The following HAVCR1 variants were observed in gnomAD, a reference collection of about 807,000 sequenced individuals.
The protein encoded by HAVCR1 is T cell immunoglobin domain and mucin domain protein 1.
A neutral mutation model predicts 32.0 loss-of-function variants in HAVCR1; 34 were observed. The observed-to-expected ratio is 1.06, with a 90% CI of 0.81 to 1.42. The LOEUF (loss-of-function observed/expected upper bound fraction) is 1.42, where lower values mean the gene tolerates loss of function less well. Among genes scored for constraint, HAVCR1 ranks in the 40% most tolerant of loss-of-function variants. The pLI is 0.00. For synonymous variants in HAVCR1, 178 were observed against 170.3 expected (o/e 1.05, Z -0.35); for missense variants, 420 against 442.3 (o/e 0.95, Z 0.45).
chr5:157,044,304 C>A (rs767601040), intron 5 of HAVCR1, among the ~76,000 whole-genome samples: 1 of 148,038 alleles, frequency 6.8e-6, no homozygotes, highest in African/African-American at 2.5e-5. Flanking sequence ...TGCACTCCAG[C>A]CTGGGCAACA....
In HAVCR1 at chr5:157,043,187, C is replaced by G. The variant is rs191256320; in HGVS notation, c.782-505G>C. ...ATCAAAAACAGGTGGCATATAACTC[C>G]TGTGTTGTTGCCGATGTGCTTACAT... is the stretch of plus-strand genomic sequence containing the variant. On this transcript the variant is annotated intron_variant, in intron 5 of 8. Coordinates refer to ENST00000523175, the MANE Select transcript of HAVCR1 (RefSeq NM_001173393.3). 5.3e-5 allele frequency among the ~76,000 whole-genome samples: 8 copies of G among 152,266 alleles called. No individual in the cohort carries two copies. The East Asian group carries it at 1.5e-3, about 29-fold the overall frequency.
Position 157,052,571 on chromosome 5 carries a change from T to A in HAVCR1, c.463A>T (p.Thr155Ser). ...RTSTTVPTTT[T>S]VPMTTVPTTT... ...GTTGGAACAGTCGTCATTGGAACAG[T>A]CGTTGTCGTTGGAACAGTGGTGCTC... Residue 155 changes from threonine to serine, a missense_variant, in exon 4 of 9, where the codon ACT (threonine) becomes TCT (serine). Physicochemically the swap from Thr to Ser is moderately conservative, Grantham distance 58 (BLOSUM62 1). Coordinates refer to ENST00000523175, the MANE Select transcript of HAVCR1 (RefSeq NM_001173393.3). 7.6e-7 allele frequency: 1 copy of A among 1,315,290 alleles called. No homozygotes were observed. Among genetic ancestry groups the A allele is most frequent in the Non-Finnish European group, 1.1e-6 (1 of 934,144 alleles). 81.5% of individuals were successfully genotyped at this position (1,315,290 alleles called of 1,614,324 possible). A position where few individuals can be genotyped will look rare whatever the true frequency, so the allele number is the denominator to read the frequency against.
At chr5:157,044,509 AGG>A (rs1755175196) in intron 5 of HAVCR1, among the ~76,000 whole-genome samples, 2 of 126,376 alleles carry the variant, frequency 1.6e-5, no homozygotes, top group African/African-American at 6.4e-5. Flanking sequence ...GGAAGGAAGG[AGG>A]AAGGAAGGAA....
At chr5:157,059,321 T>C (rs1352479481), upstream of HAVCR1, among the ~76,000 whole-genome samples, 1 of 152,246 alleles carries the variant, frequency 6.6e-6, no homozygotes, top group Non-Finnish European at 1.5e-5. Context: ...TTGCAGCTCA[T>C]GACAGGGTTC....
At chr5:157,048,871 GA>G (rs1755571629) in intron 5 of HAVCR1, among the ~76,000 whole-genome samples, 166 bp downstream of exon 5, 1 of 151,484 alleles carries the variant, frequency 6.6e-6, no homozygotes, top group Non-Finnish European at 1.5e-5. Context: ...ACACACCAAT[GA>G]CAAAACATTC....
In HAVCR1 at chr5:157,029,743, G is replaced by A. The variant is rs1376698064; in HGVS notation, c.1085C>T (p.Ala362Val). 1.2e-6 allele frequency: 2 copies of A among 1,612,596 alleles called. No homozygotes were observed. The highest frequency in any genetic ancestry group is 2.2e-5 in the East Asian group (1 of 44,844). Residue 362 changes from alanine (A) to valine (V), a missense_variant, in exon 9 of 9, where the codon GCC becomes GTC. Transcript: ENST00000523175. ...DNIYIENSLY[A>V]TD ...GAGCACCACTGGGTCTTAGTCCGTGGCATAAAGACTATTCTCAATGTAGAT... is the reference window on the plus strand; with the variant it reads ...GAGCACCACTGGGTCTTAGTCCGTGACATAAAGACTATTCTCAATGTAGAT...
At chr5:157,047,828 G>A (rs964731509) in intron 5 of HAVCR1, among the ~76,000 whole-genome samples, 1 of 152,172 alleles carries the variant, frequency 6.6e-6, no homozygotes, top group African/African-American at 2.4e-5. Flanking sequence ...CCGCTCAGAA[G>A]TTCCAGAGAC....
At position 157,044,627 on chromosome 5, in the gene HAVCR1, A is replaced by AAGAAAGAAAGAAAGAAAG. The variant is rs1581701858; in HGVS notation, c.782-1963_782-1946dup. The stretch of plus-strand genomic sequence containing the variant: ...AGAAAGAAAGAAAGAGAAAGAAAGA[A>AAGAAAGAAAGAAAGAAAG]AGAAAGAAAGAAAGAAAGAAAGAAA... On this transcript the variant is annotated intron_variant, in intron 5 of 8. Transcript: ENST00000523175. 1.5e-4 allele frequency among the ~76,000 whole-genome samples: 9 copies of AAGAAAGAAAGAAAGAAAG among 61,592 alleles called. No homozygotes were observed. In the East Asian group the frequency reaches 2.6e-3, roughly 18 times the overall value. The allele number at this position is 61,592 out of a possible 152,430, so 40.4% of individuals were successfully genotyped here. A position where few individuals can be genotyped will look rare whatever the true frequency, so the allele number is the denominator to read the frequency against.
chr5:157,064,384 G>A, the HAVCR1 span, among the ~76,000 whole-genome samples: 1 of 151,818 alleles, frequency 6.6e-6, no homozygotes, highest in Non-Finnish European at 1.5e-5. Context: ...AGCCAGGCAT[G>A]CTGGCATGCA....
chr5:157,039,951 T>C (rs1207088135), intron 6 of HAVCR1, among the ~76,000 whole-genome samples: 3 of 152,138 alleles, frequency 2.0e-5, no homozygotes, highest in African/African-American at 7.2e-5. Context: ...GGCCTCTAAA[T>C]TGTTTTCCCT....
chr5:157,038,893 G>A (rs1746110953), intron 6 of HAVCR1, among the ~76,000 whole-genome samples: 1 of 152,218 alleles, frequency 6.6e-6, no homozygotes, highest in African/African-American at 2.4e-5. Context: ...ACTTTGGGAG[G>A]CTAAGGCAGG....
At chr5:157,054,423 G>C (rs147118167) in intron 3 of HAVCR1, among the ~76,000 whole-genome samples, 85 of 152,138 alleles carry the variant, frequency 5.6e-4, no homozygotes, top group African/African-American at 2.0e-3. Context: ...AGAATTGCTT[G>C]AACCTGGGAG....
chr5:157,064,615 C>G, the HAVCR1 span, among the ~76,000 whole-genome samples: 1 of 152,168 alleles, frequency 6.6e-6, no homozygotes, highest in Non-Finnish European at 1.5e-5. Context: ...ACCTGTAATC[C>G]TAACACCTTG....
At chr5:157,063,837 A>G (rs1377764196), upstream of HAVCR1, among the ~76,000 whole-genome samples, 2 of 152,228 alleles carry the variant, frequency 1.3e-5, no homozygotes, top group Non-Finnish European at 2.9e-5. Context: ...AAGACAAAGG[A>G]CAAGGAAGTT....
the HAVCR1 span, among the ~76,000 whole-genome samples, chr5:157,065,306 C>CA: frequency 0.077 from 10,992 of 142,916 alleles, 948 homozygotes; most frequent in African/African-American, 0.22. Context: ...GACTCCGCCT[C>CA]AAAAAAAAAA....
At chr5:157,039,813 G>A (rs1754766024) in intron 6 of HAVCR1, among the ~76,000 whole-genome samples, 1 of 152,044 alleles carries the variant, frequency 6.6e-6, no homozygotes, top group African/African-American at 2.4e-5. Context: ...TTAAGATAGA[G>A]CCCAGGAAAG....
rs766772270 is a variant in HAVCR1 at position 157,049,023 on chromosome 5, A to G, written c.781+15T>C. 1 of 1,409,470 alleles carries G rather than the reference A, an allele frequency of 7.1e-7. No homozygotes were observed. Among genetic ancestry groups the G allele is most frequent in the Non-Finnish European group, 1.0e-6 (1 of 993,122 alleles). The allele number at this position is 1,409,470 out of a possible 1,614,324, so 87.3% of individuals were successfully genotyped here. A position where few individuals can be genotyped will look rare whatever the true frequency, so the allele number is the denominator to read the frequency against. On this transcript the variant is annotated intron_variant, in intron 5 of 8. Transcript: ENST00000523175. The stretch of plus-strand genomic sequence containing the variant: ...TTGAATGATCCCAGGTCTTCAGGAA[A>G]GAGAACGCAGTTACCTGTTGTGTAA...
the HAVCR1 span, among the ~76,000 whole-genome samples, chr5:157,064,339 C>CAA: frequency 0.027 from 1,731 of 63,362 alleles, 15 homozygotes; most frequent in Non-Finnish European, 0.043. Context: ...CCTGTCTCTA[C>CAA]AAAAAAAAAA....
intron 5 of HAVCR1, among the ~76,000 whole-genome samples, chr5:157,044,687 A>AGGGAGGGG (rs1165753937): frequency 6.8e-6 from 1 of 147,096 alleles, no homozygotes; most frequent in Non-Finnish European, 1.5e-5. Flanking sequence ...GGAGGGAGGG[A>AGGGAGGGG]GGAAGGAAGG....
Sources: gnomAD v4.1 joint callset for allele counts (sites outside exome capture counted in the v4.1 genomes callset) on GRCh38, gnomAD v4.1.1 for gene constraint, MANE v1.5 for transcripts, NCBI Gene and HGNC (gene_info 2026-07-23, HGNC 2026-07-21) for gene names.